The following BZW2 variants were observed in gnomAD, a reference collection of about 807,000 sequenced individuals.
BZW2 encodes basic leucine zipper and W2 domains 2.
A neutral mutation model predicts 53.2 loss-of-function variants in BZW2; 23 were observed. The observed-to-expected ratio is 0.43, with a 90% CI of 0.31 to 0.61. The LOEUF is 0.61. Among genes scored for constraint, BZW2 ranks in the 20% least tolerant of loss-of-function variants. The pLI is 0.09. For synonymous variants in BZW2, 227 were observed against 186.4 expected, an observed-to-expected ratio of 1.22 and a Z score of -1.77; for missense variants, 409 against 503.1, an observed-to-expected ratio of 0.81 and a Z score of 1.79.
chr7:16,669,261 G>A (rs949430214), intron 2 of BZW2, among the ~76,000 whole-genome samples: 1 of 152,158 alleles, frequency 6.6e-6, no homozygotes, highest in African/African-American at 2.4e-5. Flanking sequence ...GAGTAGCTGG[G>A]ATTACAGGCG....
chr7:16,693,299 G>A (rs1037084713), intron 7 of BZW2, among the ~76,000 whole-genome samples: 1 of 151,996 alleles, frequency 6.6e-6, no homozygotes, highest in African/African-American at 2.4e-5. Context: ...TGATTTAGAC[G>A]GGCTTCCCCT....
chr7:16,659,163 T>A lies in BZW2; in HGVS notation c.-7-6274T>A, dbSNP rs189377847. Among the ~76,000 whole-genome samples, 40 of 152,188 alleles carry A rather than the reference T, an allele frequency of 2.6e-4. 1 individual carries two copies. In the East Asian group the frequency reaches 5.2e-3, roughly 20 times the overall value. On this transcript the variant is annotated intron_variant, in intron 1 of 11. Transcript: ENST00000258761. ...GTATATATTTTCCAGTGAAGAACTT[T>A]AATGGTGGACTCTTTACTTGTGCCA...
chr7:16,675,834 C>T (rs1181957414), intron 3 of BZW2, among the ~76,000 whole-genome samples: 1 of 152,220 alleles, frequency 6.6e-6, no homozygotes, highest in Non-Finnish European at 1.5e-5. Context: ...AATCCCAACA[C>T]TTTGGGAGGC....
intron 11 of BZW2, among the ~76,000 whole-genome samples, chr7:16,705,272 C>A (rs962464698): frequency 6.7e-6 from 1 of 149,700 alleles, no homozygotes. Flanking sequence ...GGCAGGAGAA[C>A]CACTTGAACC....
At chr7:16,677,622 T>C (rs1583724855) in intron 3 of BZW2, among the ~76,000 whole-genome samples, 1 of 152,140 alleles carries the variant, frequency 6.6e-6, no homozygotes, top group African/African-American at 2.4e-5. Context: ...TTGAAGAACA[T>C]TTTTAGTTTT....
In BZW2 at chr7:16,685,409, C is replaced by T. The variant is rs183799476; in HGVS notation, c.406-496C>T. ...GTCAAAAGCTTAACTTCGACTCTTTCCTGTTTTTTTTTTTTGTTTGTGTGG... is the reference window on the plus strand; with the variant it reads ...GTCAAAAGCTTAACTTCGACTCTTTTCTGTTTTTTTTTTTTGTTTGTGTGG... On this transcript the variant is annotated intron_variant, in intron 5 of 11. Transcript: ENST00000258761. Among the ~76,000 whole-genome samples the T allele has an allele frequency of 8.7e-3, 1,316 of 151,168 alleles. 18 individuals carry two copies. Among genetic ancestry groups the T allele is most frequent in the African/African-American group, 0.03 (1,243 of 40,938 alleles).
chr7:16,698,177 T>C lies in BZW2; in HGVS notation c.1099T>C (p.Phe367Leu), dbSNP rs776042480. 3.1e-6 allele frequency: 5 copies of C among 1,614,180 alleles called. No homozygotes were observed. Among genetic ancestry groups the C allele is most frequent in the Non-Finnish European group, 4.2e-6 (5 of 1,180,004 alleles). ...MKAFQKIVVL[F>L]YKADVLSEEA... The stretch of plus-strand genomic sequence containing the variant: ...AGCCTTTCAGAAGATTGTGGTTCTC[T>C]TTTATAAAGGTATCCATCCACGTGC... The change falls in exon 10 of 12, where the codon TTT (phenylalanine) becomes CTT (leucine). Residue 367 changes from phenylalanine (F) to leucine (L), a missense_variant. Coordinates refer to ENST00000258761, the MANE Select transcript of BZW2 (RefSeq NM_014038.3).
chr7:16,694,822 TCCC>T lies in BZW2; in HGVS notation c.652-11_652-9del. 6.6e-7 allele frequency: 1 copy of T among 1,506,410 alleles called. No homozygotes were observed. Among genetic ancestry groups the T allele is most frequent in the Non-Finnish European group, 9.0e-7 (1 of 1,108,760 alleles). 93.3% of individuals were successfully genotyped at this position (1,506,410 alleles called of 1,614,324 possible). ...TGGCTTGTTTTATAGCAGTCTTTTT[TCCC>T]TTTTTCAGGAACTCTTTCCAGTTAA... is the stretch of plus-strand genomic sequence containing the variant. On this transcript the variant is annotated splice_polypyrimidine_tract_variant and intron_variant, in intron 7 of 11. Coordinates refer to ENST00000258761, the MANE Select transcript of BZW2 (RefSeq NM_014038.3).
rs144381179 is a variant in BZW2, at chr7:16,698,080, C to T, written c.1002C>T (p.Ser334=). ...QYAPLLAVFS[S]QGQSELILLQ... The stretch of plus-strand genomic sequence containing the variant: ...CTCCCCTGCTGGCCGTGTTCAGCTC[C>T]CAAGGCCAGTCAGAGCTGATCCTCC... The change falls in exon 10 of 12, where the codon TCC becomes TCT. Residue 334 remains serine (S), a synonymous_variant. Coordinates refer to ENST00000258761, the MANE Select transcript of BZW2 (RefSeq NM_014038.3). 118 of 1,614,034 alleles carry T rather than the reference C, an allele frequency of 7.3e-5. No homozygotes were observed. The African/African-American group carries it at 1.4e-3, about 19-fold the overall frequency.
Position 16,666,992 on chromosome 7 carries a change from C to T in BZW2, c.58+1491C>T, listed in dbSNP as rs190232831. Among the ~76,000 whole-genome samples, 50 of 151,412 alleles carry T rather than the reference C, an allele frequency of 3.3e-4. No individual in the cohort carries two copies. The East Asian group carries it at 9.7e-3, about 29-fold the overall frequency. On this transcript the variant is annotated intron_variant, in intron 2 of 11. Coordinates refer to ENST00000258761, the MANE Select transcript of BZW2 (RefSeq NM_014038.3). Reference sequence around the variant, plus strand: ...GAGGTCCTCTTGGATGTAAGAATAGCTGAACTGGGGCCAGGCGTGGTGGCT... The same window carrying T: ...GAGGTCCTCTTGGATGTAAGAATAGTTGAACTGGGGCCAGGCGTGGTGGCT...
At chr7:16,706,028 A>G in intron 11 of BZW2, 32 bp from the exon 12 acceptor site, 1 of 1,613,176 alleles carries the variant, frequency 6.2e-7, no homozygotes, top group East Asian at 2.2e-5. Flanking sequence ...GGAATCTGGG[A>G]GGAAATATCT....
At chr7:16,671,679 C>T (rs183361760) in intron 2 of BZW2, among the ~76,000 whole-genome samples, 18 of 152,186 alleles carry the variant, frequency 1.2e-4, no homozygotes, top group African/African-American at 3.4e-4. Flanking sequence ...GCCTGTAATC[C>T]GAGTACTTTG....
chr7:16,683,694 G>A (rs1051740334), intron 5 of BZW2, among the ~76,000 whole-genome samples: 3 of 152,168 alleles, frequency 2.0e-5, no homozygotes, highest in African/African-American at 7.2e-5. Flanking sequence ...CTTCCAATTT[G>A]TAACTCCTGT....
intron 7 of BZW2, among the ~76,000 whole-genome samples, chr7:16,692,754 A>G (rs1216396241): frequency 1.3e-5 from 2 of 152,162 alleles, no homozygotes; most frequent in Non-Finnish European, 2.9e-5. Flanking sequence ...ACAGAGCAAG[A>G]CTCCGTCTCA....
chr7:16,696,853 GC>G (rs1783508871), intron 8 of BZW2, 61 bp from the exon 9 acceptor site: 3 of 1,564,666 alleles, frequency 1.9e-6, no homozygotes, highest in South Asian at 2.3e-5. Context: ...TGGGCAGCTA[GC>G]GGGGAGATGG....
At chr7:16,698,007 C>T (rs1467090823) in intron 9 of BZW2, 41 bp from the exon 10 acceptor site, 3 of 1,612,222 alleles carry the variant, frequency 1.9e-6, no homozygotes, top group South Asian at 2.2e-5. Context: ...CTCTGTACCT[C>T]CCACGCAAGT....
intron 2 of BZW2, among the ~76,000 whole-genome samples, chr7:16,669,324 A>G (rs1037647366): frequency 3.9e-5 from 6 of 152,130 alleles, no homozygotes; most frequent in African/African-American, 1.2e-4. Flanking sequence ...CTGAAGTTTC[A>G]TCATGTTGCT....
chr7:16,696,855 G>A lies in BZW2; in HGVS notation c.823-60G>A, dbSNP rs527639961. The stretch of plus-strand genomic sequence containing the variant: ...AACCTTGATTGACTGGGCAGCTAGC[G>A]GGGAGATGGGAGCCCTCCATCTGCC... On this transcript the variant is annotated intron_variant, in intron 8 of 11. Transcript: ENST00000258761. 6.4e-5 allele frequency: 101 copies of A among 1,572,528 alleles called. 1 individual carries two copies. The Middle Eastern group carries it at 2.9e-3, about 45-fold the overall frequency.
chr7:16,665,702 C>T (rs1286032696), intron 2 of BZW2, among the ~76,000 whole-genome samples: 1 of 152,146 alleles, frequency 6.6e-6, no homozygotes, highest in Non-Finnish European at 1.5e-5. Context: ...GCCTGTGCTA[C>T]TTGTTTTCAT....
Sources: allele counts gnomAD v4.1 joint callset (sites outside exome capture counted in the v4.1 genomes callset), GRCh38; gene constraint gnomAD v4.1.1; transcripts MANE v1.5; gene names NCBI Gene and HGNC (gene_info 2026-07-23, HGNC 2026-07-21).